Variants in NAPA observed in about 807,000 individuals in gnomAD.
NAPA encodes NSF attachment protein alpha, also known as alpha-soluble NSF attachment protein.
A neutral mutation model predicts 48.0 loss-of-function variants in NAPA; 18 were observed. That is an observed-to-expected ratio of 0.38 (90% CI 0.26 to 0.56). NAPA has a LOEUF of 0.56. Ranked by LOEUF, NAPA falls within the 20% of genes least tolerant of loss-of-function variation. The pLI, the probability that NAPA is intolerant of heterozygous loss-of-function variation, is 0.77. For missense variants in NAPA, 315 were observed against 385.0 expected (o/e 0.82, Z 1.52); for synonymous variants, 152 against 149.9 (o/e 1.01, Z -0.10).
intron 4 of NAPA, among the ~76,000 whole-genome samples, chr19:47,494,515 A>T (rs2041187926): frequency 6.6e-6 from 1 of 152,036 alleles, no homozygotes; most frequent in Non-Finnish European, 1.5e-5. Context: ...AGGCAGGTGG[A>T]TCACTTGAGG....
intron 3 of NAPA, among the ~76,000 whole-genome samples, 168 bp downstream of exon 3, chr19:47,500,465 G>C (rs749155742): frequency 6.6e-6 from 1 of 152,220 alleles, no homozygotes; most frequent in Non-Finnish European, 1.5e-5. Context: ...GGAAGGAAGA[G>C]AGCCAGTTCT....
At chr19:47,500,274 C>T (rs1167025931) in intron 3 of NAPA, among the ~76,000 whole-genome samples, 1 of 152,208 alleles carries the variant, frequency 6.6e-6, no homozygotes, top group East Asian at 1.9e-4. Context: ...CACACCGCTC[C>T]CTTCTGCATG....
chr19:47,498,122 A>G (rs1250734601), intron 3 of NAPA, among the ~76,000 whole-genome samples: 2 of 152,274 alleles, frequency 1.3e-5, no homozygotes, highest in African/African-American at 4.8e-5. Flanking sequence ...CCTCAGGCAC[A>G]CTCCAGCTGC....
intron 3 of NAPA, among the ~76,000 whole-genome samples, chr19:47,499,411 A>G (rs190648026): frequency 6.6e-6 from 1 of 152,318 alleles, no homozygotes; most frequent in Admixed American, 6.5e-5. Flanking sequence ...AGTTTAATGG[A>G]AGGCATGGAG....
intron 10 of NAPA, chr19:47,488,594 G>A (rs1485334882): frequency 1.0e-5 from 4 of 396,842 alleles, no homozygotes; most frequent in Non-Finnish European, 1.8e-5. Flanking sequence ...CATTTCCCTT[G>A]GGGGAGAAAG....
chr19:47,492,059 T>C lies in NAPA; in HGVS notation c.622A>G (p.Lys208Glu). The change falls in exon 8 of 11, where the codon AAG becomes GAG. Residue 208 changes from lysine to glutamate, a missense_variant. By Grantham distance (56) the Lys-to-Glu change is moderately conservative. Coordinates refer to ENST00000263354, the MANE Select transcript of NAPA (RefSeq NM_003827.4). ...LKYSAKDYFFKAALCHFCIDM... is the reference protein window; with the variant it reads ...LKYSAKDYFFEAALCHFCIDM... Reference sequence around the variant, plus strand: ...ATGCAGAAGTGGCAGAGGGCCGCCTTGAAGAAGTAGTCTTTGGCGCTGTAC... The same window carrying C: ...ATGCAGAAGTGGCAGAGGGCCGCCTCGAAGAAGTAGTCTTTGGCGCTGTAC... 6.2e-7 allele frequency: 1 copy of C among 1,614,088 alleles called. No homozygotes were observed. The highest frequency in any genetic ancestry group is 8.5e-7 in the Non-Finnish European group (1 of 1,179,972).
downstream of NAPA, chr19:47,484,575 G>A (rs1484492732): frequency 3.6e-5 from 7 of 192,214 alleles, no homozygotes; most frequent in East Asian, 1.4e-4. Context: ...GGGGGTGGAG[G>A]TAGGTACTTA....
intron 3 of NAPA, 153 bp from the exon 4 acceptor site, chr19:47,495,749 C>T (rs1165163318): frequency 2.9e-6 from 2 of 701,080 alleles, no homozygotes; most frequent in Admixed American, 4.4e-5. Flanking sequence ...TCTCAAGGGG[C>T]TGGGAAGAAG....
Position 47,495,590 on chromosome 19 carries a change from A to C in NAPA, c.302T>G (p.Ile101Ser). 1 of 1,613,300 alleles carries C rather than the reference A, an allele frequency of 6.2e-7. No individual in the cohort carries two copies. ...CTCGATTGCTCGCATCAAACAGTTA[A>C]TGGCCTCTGGAGAGAAAGGGAGGTG... is the stretch of plus-strand genomic sequence containing the variant. ...AFKKADPQEA[I>S]NCLMRAIEIY... is the part of the protein sequence containing the mutation. The change falls in exon 4 of 11, where the codon ATT (isoleucine) becomes AGT (serine). Residue 101 changes from isoleucine (I) to serine (S), a missense_variant. Coordinates refer to ENST00000263354, the MANE Select transcript of NAPA (RefSeq NM_003827.4).
chr19:47,514,975 C>T lies in NAPA; in HGVS notation c.-35G>A, dbSNP rs184193701. 1 of 1,602,728 alleles carries T rather than the reference C, an allele frequency of 6.2e-7. No homozygotes were observed. Among genetic ancestry groups the T allele is most frequent in the African/African-American group, 1.3e-5 (1 of 74,808 alleles). On this transcript the variant is annotated 5_prime_UTR_variant, in exon 1 of 11. Transcript: ENST00000263354. ...AAAGGGACTCAGCAAAGCGCCTGAC[C>T]CTGACCCTGGGAAGACTCAGCCGCG...
In NAPA at chr19:47,514,917, C is replaced by G. The variant is rs779659913; in HGVS notation, c.24G>C (p.Ala8=). 6.8e-6 allele frequency: 11 copies of G among 1,613,994 alleles called. No homozygotes were observed. In the South Asian group the frequency reaches 8.8e-5, roughly 13 times the overall value. Residue 8 remains alanine (A), a synonymous_variant, in exon 1 of 11, where the codon GCG becomes GCC. Coordinates refer to ENST00000263354, the MANE Select transcript of NAPA (RefSeq NM_003827.4). ...CCTCGGCCAACAGCGCCATCGCCTC[C>G]GCTTCCTTCCCGGAATTGTCCATGG... The part of the protein sequence containing the change: MDNSGKE[A]EAMALLAEAE...
In NAPA at chr19:47,503,080, C is replaced by T. The variant is rs567303869; in HGVS notation, c.178+343G>A. ...GAATCACCTGAACATCCTCCCCCAG[C>T]CTAGAATTTAGACACTGATGGAAGC... On this transcript the variant is annotated intron_variant, in intron 2 of 10. Coordinates refer to ENST00000263354, the MANE Select transcript of NAPA (RefSeq NM_003827.4). Among the ~76,000 whole-genome samples, 13 of 152,350 alleles carry T rather than the reference C, an allele frequency of 8.5e-5. No homozygotes were observed. The South Asian group carries it at 1.2e-3, about 15-fold the overall frequency.
chr19:47,509,338 ATAAAATAAAATAAAT>A (rs1479753152), intron 1 of NAPA, among the ~76,000 whole-genome samples: 7 of 143,944 alleles, frequency 4.9e-5, no homozygotes, highest in Non-Finnish European at 4.7e-5. Flanking sequence ...ATAAAATAAA[ATAAAATAAAATAAAT>A]AAAATAAAAT....
Position 47,492,008 on chromosome 19 carries a change from G to A in NAPA, c.666+7C>T, listed in dbSNP as rs1305630433. On this transcript the variant is annotated splice_region_variant and intron_variant, in intron 8 of 10. Transcript: ENST00000263354. ...TGCGGTGGTCCTGCGGGCGTGGGGT[G>A]TGCTACCTTGGCGTTGAGCATGTCG... 3 of 1,612,898 alleles carry A rather than the reference G, an allele frequency of 1.9e-6. No homozygotes were observed. Among genetic ancestry groups the A allele is most frequent in the Non-Finnish European group, 2.5e-6 (3 of 1,179,090 alleles).
chr19:47,498,014 A>G (rs557291929), intron 3 of NAPA, among the ~76,000 whole-genome samples: 1 of 152,338 alleles, frequency 6.6e-6, no homozygotes, highest in African/African-American at 2.4e-5. Context: ...TGAGGAACCA[A>G]TAACACATAT....
chr19:47,492,911 A>AG (rs1968316507), intron 7 of NAPA, 50 bp downstream of exon 7: 1 of 1,573,754 alleles, frequency 6.4e-7, no homozygotes, highest in Non-Finnish European at 8.7e-7. Context: ...GAGGAGGCAC[A>AG]GGCCCTGAGA....
intron 7 of NAPA, 193 bp from the exon 8 acceptor site, chr19:47,492,312 G>A (rs1211444116): frequency 1.8e-6 from 1 of 566,220 alleles, no homozygotes; most frequent in Non-Finnish European, 3.2e-6. Context: ...GAGCGACCAA[G>A]ATCAGGGTGT....
intron 1 of NAPA, among the ~76,000 whole-genome samples, chr19:47,504,929 T>C (rs761268078): frequency 4.6e-5 from 7 of 152,154 alleles, no homozygotes; most frequent in East Asian, 1.9e-4. Flanking sequence ...CACTGGGAGA[T>C]AGACAGGAAT....
intron 2 of NAPA, among the ~76,000 whole-genome samples, 174 bp from the exon 3 acceptor site, chr19:47,500,923 T>C (rs1968562389): frequency 6.6e-6 from 1 of 152,162 alleles, no homozygotes; most frequent in Non-Finnish European, 1.5e-5. Flanking sequence ...TCAGGTCTCC[T>C]GGCTCCTGCG....
Sources: gnomAD v4.1 joint callset for allele counts (sites outside exome capture counted in the v4.1 genomes callset) on GRCh38, gnomAD v4.1.1 for gene constraint, MANE v1.5 for transcripts, NCBI Gene and HGNC (gene_info 2026-07-23, HGNC 2026-07-21) for gene names.